DIAPH2: variants seen among roughly 807,000 people sequenced by gnomAD.
The protein encoded by DIAPH2 is protein diaphanous homolog 2.
Under a neutral mutation model 92.7 loss-of-function variants are expected in DIAPH2, and 35 were observed. The observed-to-expected ratio is 0.38, with a 90% CI of 0.29 to 0.50. The LOEUF (loss-of-function observed/expected upper bound fraction) is 0.50. Among genes scored for constraint, DIAPH2 ranks in the 20% least tolerant of loss-of-function variants. The pLI, the probability that DIAPH2 is intolerant of heterozygous loss-of-function variation, is 0.94. For synonymous variants in DIAPH2, 301 were observed against 280.4 expected, an observed-to-expected ratio of 1.07 and a Z score of -0.73; for missense variants, 701 against 819.5, an observed-to-expected ratio of 0.86 and a Z score of 1.77.
chrX:97,096,981 A>C (rs2066873671), intron 19 of DIAPH2, among the ~76,000 whole-genome samples: 1 of 111,384 alleles, frequency 9.0e-6, no homozygotes, highest in Admixed American at 9.6e-5. Context: ...AGGACTCTGT[A>C]TATCAGTGTC....
intron 26 of DIAPH2, among the ~76,000 whole-genome samples, chrX:97,583,927 C>A (rs1383409939): frequency 1.8e-5 from 2 of 112,167 alleles, no homozygotes; most frequent in Non-Finnish European, 3.8e-5. Context: ...GTGGGAGTGA[C>A]CCGATTTTCC....
intron 24 of DIAPH2, among the ~76,000 whole-genome samples, chrX:97,350,744 A>G (rs1189078470): frequency 1.8e-5 from 2 of 111,933 alleles, no homozygotes; most frequent in African/African-American, 6.5e-5. Context: ...TTTCCCTGTT[A>G]GTAGTCTGAG....
chrX:97,279,098 G>C (rs896448404), intron 23 of DIAPH2, among the ~76,000 whole-genome samples: 1 of 111,510 alleles, frequency 9.0e-6, no homozygotes, highest in Non-Finnish European at 1.9e-5. Flanking sequence ...GAAATTAACT[G>C]ATCTGAATAA....
chrX:97,569,427 G>A (rs979796847), intron 26 of DIAPH2, among the ~76,000 whole-genome samples: 48 of 111,917 alleles, frequency 4.3e-4, no homozygotes, highest in African/African-American at 1.5e-3. Flanking sequence ...ATATGCATGT[G>A]TGTATATGCA....
In DIAPH2 at chrX:97,141,741, G is replaced by A. The variant is rs145712757; in HGVS notation, c.2666G>A (p.Arg889Gln). 27 of 1,202,949 alleles carry A rather than the reference G, an allele frequency of 2.2e-5. No individual in the cohort carries two copies. Among genetic ancestry groups the A allele is most frequent in the African/African-American group, 1.1e-4 (6 of 56,967 alleles). Reference sequence around the variant, plus strand: ...GCCGACATTTGTGAGGAAAAATATCGAGATATCCTAAAATTTCCTGAAGAA... The same window carrying A: ...GCCGACATTTGTGAGGAAAAATATCAAGATATCCTAAAATTTCCTGAAGAA... ...FIADICEEKY[R>Q]DILKFPEELE... is the part of the protein sequence containing the mutation. The change falls in exon 22 of 27, where the codon CGA becomes CAA. Residue 889 changes from arginine (R) to glutamine (Q), a missense_variant. Arg to Gln is a conservative substitution (Grantham distance 43). This residue lies in a region of DIAPH2 where 536 missense variants were observed against 599.3 expected (regional missense o/e 0.89). Coordinates refer to ENST00000324765, the MANE Select transcript of DIAPH2 (RefSeq NM_006729.5).
chrX:97,515,152 A>C (rs1413447817), intron 26 of DIAPH2, among the ~76,000 whole-genome samples: 1 of 112,459 alleles, frequency 8.9e-6, no homozygotes, highest in Non-Finnish European at 1.9e-5. Context: ...CTGTGCTAGC[A>C]ATCAGCGAGA....
intron 23 of DIAPH2, among the ~76,000 whole-genome samples, chrX:97,263,509 A>G (rs137986720): frequency 1.8e-3 from 205 of 111,561 alleles, no homozygotes; most frequent in African/African-American, 6.5e-3. Flanking sequence ...CACTATAACT[A>G]TACATTCTTA....
At chrX:97,384,798 G>A (rs2069583690) in intron 25 of DIAPH2, among the ~76,000 whole-genome samples, 1 of 110,002 alleles carries the variant, frequency 9.1e-6, no homozygotes, top group Non-Finnish European at 1.9e-5. Flanking sequence ...ACTGGGGGGC[G>A]GAGGCTACAG....
chrX:96,949,615 G>C (rs140697079), intron 15 of DIAPH2, among the ~76,000 whole-genome samples: 1 of 104,807 alleles, frequency 9.5e-6, no homozygotes, highest in Admixed American at 1.0e-4. Context: ...AGGCGGAAGC[G>C]GGCAGATCAC....
intron 4 of DIAPH2, among the ~76,000 whole-genome samples, chrX:96,870,464 G>C (rs1265386491): frequency 2.0e-5 from 2 of 101,639 alleles, no homozygotes; most frequent in East Asian, 6.1e-4. Context: ...TTTAAGTAGA[G>C]ATGGGGTTTC....
chrX:96,981,655 G>A (rs1341708769), intron 17 of DIAPH2, among the ~76,000 whole-genome samples: 9 of 111,920 alleles, frequency 8.0e-5, no homozygotes, highest in Non-Finnish European at 1.3e-4. Flanking sequence ...GCAAAGTGGA[G>A]CTTGAAATCA....
intron 25 of DIAPH2, among the ~76,000 whole-genome samples, chrX:97,411,011 C>A (rs907547944): frequency 9.0e-6 from 1 of 111,598 alleles, no homozygotes; most frequent in Non-Finnish European, 1.9e-5. Context: ...ACCTCCCCAA[C>A]CTAGCAAGGC....
intron 19 of DIAPH2, among the ~76,000 whole-genome samples, chrX:97,096,653 A>G (rs1340117451): frequency 9.0e-6 from 1 of 111,257 alleles, no homozygotes; most frequent in Admixed American, 9.6e-5. Flanking sequence ...CTGGCAAAGT[A>G]TGGGAACATG....
intron 4 of DIAPH2, among the ~76,000 whole-genome samples, 190 bp from the exon 5 acceptor site, chrX:96,881,389 T>A (rs2065211917): frequency 9.0e-6 from 1 of 111,264 alleles, no homozygotes; most frequent in Non-Finnish European, 1.9e-5. Context: ...ATTTTTTTTT[T>A]AAATGAGGTT....
chrX:96,838,072 T>A (rs773904872), intron 4 of DIAPH2, among the ~76,000 whole-genome samples: 8 of 112,146 alleles, frequency 7.1e-5, no homozygotes, highest in Non-Finnish European at 9.4e-5. Flanking sequence ...GTTGTGTTTG[T>A]CTTGAATATC....
chrX:97,154,720 T>G (rs939687550), intron 22 of DIAPH2, among the ~76,000 whole-genome samples: 8 of 111,872 alleles, frequency 7.2e-5, no homozygotes, highest in African/African-American at 2.6e-4. Context: ...TATGAGGAAC[T>G]GCGGCTGCTA....
At chrX:97,228,139 G>A (rs977212199) in intron 22 of DIAPH2, among the ~76,000 whole-genome samples, 1 of 111,432 alleles carries the variant, frequency 9.0e-6, no homozygotes, top group Non-Finnish European at 1.9e-5. Flanking sequence ...GGGCTCAAGC[G>A]ATCCCCCCGC....
intron 1 of DIAPH2, among the ~76,000 whole-genome samples, chrX:96,696,058 A>G (rs2063823684): frequency 1.8e-5 from 2 of 111,919 alleles, no homozygotes; most frequent in South Asian, 7.4e-4. Context: ...GATCCTATTA[A>G]GTGTTTTTTA....
chrX:96,854,697 G>A (rs2065029131), intron 4 of DIAPH2, among the ~76,000 whole-genome samples: 1 of 97,822 alleles, frequency 1.0e-5, no homozygotes, highest in Admixed American at 1.2e-4. Flanking sequence ...AGCCTATACA[G>A]TGTGGATACA....
Sources: gnomAD v4.1 joint callset for allele counts (sites outside exome capture counted in the v4.1 genomes callset) on GRCh38, gnomAD v4.1.1 for gene constraint, gnomAD v4.1.1 regional missense constraint, MANE v1.5 for transcripts, NCBI Gene and HGNC (gene_info 2026-07-23, HGNC 2026-07-21) for gene names.